The following ADAMTS3 variants were observed in gnomAD, a reference collection of about 807,000 sequenced individuals.
ADAMTS3 encodes the protein A disintegrin and metalloproteinase with thrombospondin motifs 3.
ADAMTS3 carries 73 observed loss-of-function variants against 129.0 expected under a neutral mutation model. The ratio of observed to expected loss-of-function variants is 0.57; its 90% CI spans 0.47 to 0.69. The LOEUF (loss-of-function observed/expected upper bound fraction) is 0.69, where lower values mean the gene tolerates loss of function less well. Among genes scored for constraint, ADAMTS3 ranks in the 30% least tolerant of loss-of-function variants. ADAMTS3 has a pLI of 0.00. For missense variants in ADAMTS3, 1,457 were observed against 1,514.5 expected, an observed-to-expected ratio of 0.96 and a Z score of 0.63; for synonymous variants, 477 against 510.8, an observed-to-expected ratio of 0.93 and a Z score of 0.89.
At chr4:72,540,479 T>C (rs1345234948) in intron 3 of ADAMTS3, among the ~76,000 whole-genome samples, 1 of 152,128 alleles carries the variant, frequency 6.6e-6, no homozygotes, top group Non-Finnish European at 1.5e-5. Flanking sequence ...GAGAAGAAAT[T>C]CAAGCTCGCT....
chr4:72,460,612 C>A (rs1383928), intron 3 of ADAMTS3, among the ~76,000 whole-genome samples: 36,912 of 150,024 alleles, frequency 0.25, 4,893 homozygotes, highest in East Asian at 0.45. Flanking sequence ...ATCAAAAAAA[C>A]CATGCCTAAA....
At chr4:72,497,820 C>T (rs1428239832) in intron 3 of ADAMTS3, among the ~76,000 whole-genome samples, 2 of 151,872 alleles carry the variant, frequency 1.3e-5, no homozygotes, top group African/African-American at 4.8e-5. Flanking sequence ...AAGTTTGTCT[C>T]AATAATTTGA....
At chr4:72,376,992 G>C (rs11727897) in intron 4 of ADAMTS3, among the ~76,000 whole-genome samples, 2 of 151,966 alleles carry the variant, frequency 1.3e-5, no homozygotes, top group Non-Finnish European at 2.9e-5. Flanking sequence ...TACTGAAAAA[G>C]AGAGAGAATA....
intron 3 of ADAMTS3, among the ~76,000 whole-genome samples, chr4:72,508,229 T>C (rs1014020221): frequency 9.2e-5 from 14 of 152,058 alleles, no homozygotes; most frequent in Non-Finnish European, 1.5e-4. Context: ...CAGCTAACAG[T>C]TGGGGTGTTA....
intron 4 of ADAMTS3, among the ~76,000 whole-genome samples, chr4:72,414,451 T>C (rs1019851819): frequency 5.3e-5 from 8 of 151,990 alleles, no homozygotes; most frequent in African/African-American, 1.9e-4. Context: ...GCCATCCTAG[T>C]ATACATCCTT....
At chr4:72,423,219 T>C (rs1722489232) in intron 3 of ADAMTS3, among the ~76,000 whole-genome samples, 1 of 152,176 alleles carries the variant, frequency 6.6e-6, no homozygotes, top group Admixed American at 6.6e-5. Context: ...ACTAAATATT[T>C]ATCATTTTGT....
intron 3 of ADAMTS3, among the ~76,000 whole-genome samples, chr4:72,447,107 T>A (rs1032473199): frequency 9.9e-5 from 15 of 151,876 alleles, no homozygotes; most frequent in African/African-American, 3.4e-4. Flanking sequence ...TCCACTCCTA[T>A]CAATAGGCAA....
chr4:72,324,413 T>C (rs897119212), intron 5 of ADAMTS3, among the ~76,000 whole-genome samples: 26 of 151,354 alleles, frequency 1.7e-4, no homozygotes, highest in African/African-American at 5.2e-4. Context: ...TTACTGAATT[T>C]GTAGAAGTCA....
intron 3 of ADAMTS3, among the ~76,000 whole-genome samples, chr4:72,536,658 A>T (rs926743105): frequency 2.0e-5 from 3 of 152,210 alleles, no homozygotes; most frequent in Non-Finnish European, 4.4e-5. Context: ...GCTCAAGGTC[A>T]TGAGGCTGGT....
In ADAMTS3 at chr4:72,488,900, A is replaced by C. The variant is rs186596378; in HGVS notation, c.504+59578T>G. Among the ~76,000 whole-genome samples the C allele has an allele frequency of 1.2e-4, 18 of 152,050 alleles. No individual in the cohort carries two copies. In the East Asian group the frequency reaches 3.5e-3, roughly 29 times the overall value. On this transcript the variant is annotated intron_variant, in intron 3 of 21. Transcript: ENST00000286657. Reference sequence around the variant, plus strand: ...TCCAGAATGTACTCATCTAATAACTATAAAGTTTGTATGCTTTGACCACTA... The same window carrying C: ...TCCAGAATGTACTCATCTAATAACTCTAAAGTTTGTATGCTTTGACCACTA...
At chr4:72,395,130 G>A (rs1721695282) in intron 4 of ADAMTS3, among the ~76,000 whole-genome samples, 1 of 152,060 alleles carries the variant, frequency 6.6e-6, no homozygotes, top group South Asian at 2.1e-4. Context: ...TCACCATGTC[G>A]ATCAGGCTGG....
chr4:72,563,143 A>C (rs1016735267), intron 2 of ADAMTS3, among the ~76,000 whole-genome samples: 1 of 152,188 alleles, frequency 6.6e-6, no homozygotes, highest in African/African-American at 2.4e-5. Context: ...ATGACAAGGA[A>C]AAGCAGTGAA....
intron 3 of ADAMTS3, among the ~76,000 whole-genome samples, chr4:72,422,898 T>C (rs1388095749): frequency 6.6e-6 from 1 of 152,182 alleles, no homozygotes; most frequent in Non-Finnish European, 1.5e-5. Flanking sequence ...TGTAAAACAC[T>C]AGTTTTTATA....
intron 5 of ADAMTS3, among the ~76,000 whole-genome samples, chr4:72,328,846 G>T (rs749381803): frequency 4.6e-5 from 7 of 151,888 alleles, no homozygotes; most frequent in Non-Finnish European, 1.0e-4. Flanking sequence ...AGATATAAAA[G>T]AATACTGAAA....
intron 3 of ADAMTS3, among the ~76,000 whole-genome samples, chr4:72,495,816 C>A (rs1389017758): frequency 2.0e-5 from 3 of 152,090 alleles, no homozygotes; most frequent in African/African-American, 7.2e-5. Flanking sequence ...TATATTTAAG[C>A]CTGGTTAAAA....
chr4:72,445,740 T>A (rs918917059), intron 3 of ADAMTS3, among the ~76,000 whole-genome samples: 1 of 151,746 alleles, frequency 6.6e-6, no homozygotes, highest in Non-Finnish European at 1.5e-5. Context: ...CACCAAGTGC[T>A]GTCACCTTAA....
intron 3 of ADAMTS3, among the ~76,000 whole-genome samples, chr4:72,523,792 A>C (rs1720736363): frequency 6.6e-6 from 1 of 152,112 alleles, no homozygotes; most frequent in South Asian, 2.1e-4. Flanking sequence ...GAAAAGATGA[A>C]AATAACATGA....
At chr4:72,566,345 C>T (rs1722019992) in intron 2 of ADAMTS3, among the ~76,000 whole-genome samples, 1 of 152,224 alleles carries the variant, frequency 6.6e-6, no homozygotes, top group East Asian at 1.9e-4. Flanking sequence ...TATGCAACCT[C>T]TCAAGCTTCA....
At chr4:72,462,549 T>C (rs1718799189) in intron 3 of ADAMTS3, among the ~76,000 whole-genome samples, 1 of 151,890 alleles carries the variant, frequency 6.6e-6, no homozygotes, top group Admixed American at 6.6e-5. Context: ...GATGGTCCCG[T>C]AGGATTCCAA....
Sources: gnomAD v4.1 joint callset for allele counts (sites outside exome capture counted in the v4.1 genomes callset) on GRCh38, gnomAD v4.1.1 for gene constraint, MANE v1.5 for transcripts, NCBI Gene and HGNC (gene_info 2026-07-23, HGNC 2026-07-21) for gene names.